The following CELF6 variants were observed in gnomAD, a reference collection of about 807,000 sequenced individuals.
CELF6 encodes the protein Bruno -like 6, RNA binding protein.
A neutral mutation model predicts 53.1 loss-of-function variants in CELF6; 32 were observed. The observed-to-expected ratio is 0.60, with a 90% confidence interval of 0.46 to 0.81. The LOEUF (loss-of-function observed/expected upper bound fraction) is 0.81. CELF6 is among the 30% of genes least tolerant of loss of function. The pLI is 0.00. For missense variants in CELF6, 539 were observed against 669.5 expected (o/e 0.81, Z 2.15); for synonymous variants, 291 against 288.8 (o/e 1.01, Z -0.08).
chr15:72,305,834 A>T (rs996218329), intron 2 of CELF6, among the ~76,000 whole-genome samples: 1 of 135,600 alleles, frequency 7.4e-6, no homozygotes, highest in East Asian at 2.2e-4. Flanking sequence ...CACTCAACAC[A>T]CCCAAACGAG....
chr15:72,311,038 G>T (rs2088287542), intron 2 of CELF6, among the ~76,000 whole-genome samples: 1 of 152,100 alleles, frequency 6.6e-6, no homozygotes, highest in Admixed American at 6.6e-5. Flanking sequence ...TAGGTTTCTA[G>T]ATCCTCAAAT....
At chr15:72,307,410 T>C (rs1175401549) in intron 2 of CELF6, among the ~76,000 whole-genome samples, 3 of 152,190 alleles carry the variant, frequency 2.0e-5, no homozygotes, top group Admixed American at 6.5e-5. Flanking sequence ...AGTGATGATC[T>C]GTATGGGGAT....
At chr15:72,304,031 C>T (rs546851063) in intron 3 of CELF6, among the ~76,000 whole-genome samples, 3 of 151,942 alleles carry the variant, frequency 2.0e-5, no homozygotes, top group South Asian at 2.1e-4. Flanking sequence ...CTACCACACC[C>T]GGCTAATTTA....
At chr15:72,311,405 C>CTTT (rs531976963) in intron 2 of CELF6, among the ~76,000 whole-genome samples, 1 of 138,592 alleles carries the variant, frequency 7.2e-6, no homozygotes, top group African/African-American at 2.7e-5. Flanking sequence ...CACCTTTTTT[C>CTTT]TTTTTTTTTT....
chr15:72,289,395 G>C lies in CELF6; in HGVS notation c.860C>G (p.Ala287Gly). The change falls in exon 7 of 13, where the codon GCG becomes GGG. Residue 287 changes from alanine to glycine, a missense_variant. Physicochemically the swap from Ala to Gly is moderately conservative, Grantham distance 60. Transcript: ENST00000287202. The surrounding 1 kb of genome is among the most constrained non-coding windows in gnomAD (Gnocchi z 7.6). Reference protein sequence around the residue: ...QHVAAFSLVAAPLLPAAAANS... With the variant: ...QHVAAFSLVAGPLLPAAAANS... Reference sequence around the variant, plus strand: ...CGTACCTGCCGCGGGCAACAGAGGCGCAGCTACCAGGCTAAAGGCCGCCAC... The same window carrying C: ...CGTACCTGCCGCGGGCAACAGAGGCCCAGCTACCAGGCTAAAGGCCGCCAC... 3 of 1,555,202 alleles carry C rather than the reference G, an allele frequency of 1.9e-6. No individual in the cohort carries two copies. The highest frequency in any genetic ancestry group is 2.6e-6 in the Non-Finnish European group (3 of 1,158,956).
intron 2 of CELF6, 67 bp from the exon 3 acceptor site, chr15:72,304,861 G>A (rs2088206518): frequency 1.3e-6 from 2 of 1,488,982 alleles, no homozygotes; most frequent in African/African-American, 2.8e-5. Context: ...CCAGCTTCTC[G>A]AACCCTGGAC....
chr15:72,313,941 C>T (rs1202166922), intron 2 of CELF6, among the ~76,000 whole-genome samples: 2 of 152,214 alleles, frequency 1.3e-5, no homozygotes, highest in African/African-American at 4.8e-5. Context: ...ACGACAACAA[C>T]CCTATGAGTT....
chr15:72,294,814 C>A (rs796509714), intron 3 of CELF6, among the ~76,000 whole-genome samples: 6 of 151,290 alleles, frequency 4.0e-5, no homozygotes, highest in African/African-American at 1.5e-4. Context: ...CCTGTCTCTA[C>A]TAAAAATGCA....
At chr15:72,318,145 G>A (rs192159970) in intron 1 of CELF6, among the ~76,000 whole-genome samples, 24 of 152,280 alleles carry the variant, frequency 1.6e-4, no homozygotes, top group African/African-American at 5.5e-4. Context: ...GGACAGACAG[G>A]CAGGTAGTGG....
chr15:72,299,542 G>C (rs1040167464), intron 3 of CELF6, among the ~76,000 whole-genome samples: 19 of 151,618 alleles, frequency 1.3e-4, no homozygotes, highest in Admixed American at 2.0e-4. Context: ...TTGTATTTTA[G>C]TAGAGACAGG....
rs1395150523 is a variant in CELF6, at chr15:72,289,451, C to A, written c.804G>T (p.Pro268=). ...LAAAQGPGLG[P]VAAVAAQMQH... is the part of the protein sequence containing the mutation. ...GCATCTGGGCCGCCACTGCCGCCAC[C>A]GGGCCTAGGCCTGGGCCCTGTGCCG... The change falls in exon 7 of 13, where the codon CCG becomes CCT. Residue 268 remains proline (P), a synonymous_variant. Coordinates refer to ENST00000287202, the MANE Select transcript of CELF6 (RefSeq NM_052840.5). This position sits in a 1 kb window ranked among gnomAD's most constrained non-coding sequence, Gnocchi z 7.6. 1 of 1,540,640 alleles carries A rather than the reference C, an allele frequency of 6.5e-7. No homozygotes were observed. The highest frequency in any genetic ancestry group is 1.9e-5 in the Admixed American group (1 of 51,474).
intron 2 of CELF6, 27 bp from the exon 3 acceptor site, chr15:72,304,821 A>G (rs772302640): frequency 1.2e-6 from 2 of 1,613,398 alleles, no homozygotes; most frequent in South Asian, 1.1e-5. Flanking sequence ...CAACACACCC[A>G]TTCAGCGTGA....
At chr15:72,295,158 A>G (rs2088061338) in intron 3 of CELF6, among the ~76,000 whole-genome samples, 3 of 150,562 alleles carry the variant, frequency 2.0e-5, no homozygotes, top group Admixed American at 1.3e-4. Context: ...ACAGGGCAAA[A>G]TCCTGTCTCC....
chr15:72,286,663 A>G (rs567988695), intron 12 of CELF6, among the ~76,000 whole-genome samples: 1 of 152,354 alleles, frequency 6.6e-6, no homozygotes, highest in African/African-American at 2.4e-5. Flanking sequence ...CTATGGACCC[A>G]TGACCTTGCC....
At chr15:72,292,104 G>T in intron 3 of CELF6, 1 of 794,070 alleles carries the variant, frequency 1.3e-6, no homozygotes. Context: ...TGCTGTGACT[G>T]AAGCCAGAAA....
At chr15:72,298,283 C>G (rs2088104562) in intron 3 of CELF6, among the ~76,000 whole-genome samples, 1 of 152,162 alleles carries the variant, frequency 6.6e-6, no homozygotes, top group African/African-American at 2.4e-5. Flanking sequence ...TGTTTATACT[C>G]AAAATCCAGG....
At chr15:72,303,262 T>A (rs1464810125) in intron 3 of CELF6, among the ~76,000 whole-genome samples, 2 of 152,158 alleles carry the variant, frequency 1.3e-5, no homozygotes, top group African/African-American at 2.4e-5. Context: ...AAGTTTTGCA[T>A]GCAGCCTGGA....
chr15:72,315,124 C>T (rs1363069522), intron 2 of CELF6, among the ~76,000 whole-genome samples: 1 of 152,214 alleles, frequency 6.6e-6, no homozygotes, highest in Non-Finnish European at 1.5e-5. Flanking sequence ...GGCATTTAAA[C>T]AGTGCTCTGT....
chr15:72,288,323 G>C lies in CELF6; in HGVS notation c.1303C>G (p.Gln435Glu). The C allele has an allele frequency of 6.2e-7, 1 of 1,614,168 alleles. No individual in the cohort carries two copies. Among genetic ancestry groups the C allele is most frequent in the Non-Finnish European group, 8.5e-7 (1 of 1,180,026 alleles). Reference sequence around the variant, plus strand: ...CTCAGCTCACCAAAACACTTGCTCTGGTTGGTGGCTCGATCCACAAAGACT... The same window carrying C: ...CTCAGCTCACCAAAACACTTGCTCTCGTTGGTGGCTCGATCCACAAAGACT... Reference protein sequence around the residue: ...AKVFVDRATNQSKCFGFVSFD... With the variant: ...AKVFVDRATNESKCFGFVSFD... The change falls in exon 11 of 13, where the codon CAG (glutamine) becomes GAG (glutamate). Residue 435 changes from glutamine (Q) to glutamate (E), a missense_variant. Gln to Glu is a conservative substitution (Grantham distance 29, BLOSUM62 2). Coordinates refer to ENST00000287202, the MANE Select transcript of CELF6 (RefSeq NM_052840.5). This position sits in a 1 kb window ranked among gnomAD's most constrained non-coding sequence, Gnocchi z 4.6.
Sources: allele counts gnomAD v4.1 joint callset (sites outside exome capture counted in the v4.1 genomes callset), GRCh38; gene constraint gnomAD v4.1.1; non-coding constraint Gnocchi (gnomAD v3.1); transcripts MANE v1.5; gene names NCBI Gene and HGNC (gene_info 2026-07-23, HGNC 2026-07-21).